KIF26B: variants seen among roughly 807,000 people sequenced by gnomAD.
KIF26B encodes kinesin family member 26B.
In KIF26B, 63 loss-of-function variants were observed where a neutral mutation model predicts 151.2. The ratio of observed to expected loss-of-function variants is 0.42; its 90% confidence interval spans 0.34 to 0.51. The LOEUF is 0.51. Ranked by LOEUF, KIF26B falls within the 20% of genes least tolerant of loss-of-function variation. The pLI, the probability that KIF26B is intolerant of heterozygous loss-of-function variation, is 0.07. For missense variants in KIF26B, 2,813 were observed against 2,913.6 expected, an observed-to-expected ratio of 0.97 and a Z score of 0.79; for synonymous variants, 1,357 against 1,262.1, an observed-to-expected ratio of 1.08 and a Z score of -1.59.
intron 10 of KIF26B, among the ~76,000 whole-genome samples, chr1:245,675,882 G>A (rs781142912): frequency 1.2e-4 from 18 of 152,092 alleles, no homozygotes; most frequent in Non-Finnish European, 2.4e-4. Flanking sequence ...AGTGGCCATG[G>A]GTTAGAAGTT....
At chr1:245,261,108 T>G (rs1431905488) in intron 2 of KIF26B, among the ~76,000 whole-genome samples, 2 of 147,450 alleles carry the variant, frequency 1.4e-5, no homozygotes, top group Non-Finnish European at 3.0e-5. Context: ...CCTTCCTTCC[T>G]TCCTCCGTTC....
intron 3 of KIF26B, among the ~76,000 whole-genome samples, chr1:245,374,120 T>A (rs200821776): frequency 1.3e-5 from 1 of 77,580 alleles, no homozygotes; most frequent in African/African-American, 5.3e-5. Flanking sequence ...TATATATATA[T>A]ATATATATAT....
intron 4 of KIF26B, among the ~76,000 whole-genome samples, chr1:245,475,368 G>A (rs1660011532): frequency 6.6e-6 from 1 of 151,826 alleles, no homozygotes; most frequent in East Asian, 1.9e-4. Context: ...AACAAGTGAG[G>A]AGGAAACTGT....
intron 3 of KIF26B, among the ~76,000 whole-genome samples, chr1:245,411,105 A>G (rs1455461294): frequency 2.0e-5 from 3 of 152,246 alleles, no homozygotes; most frequent in Non-Finnish European, 4.4e-5. Context: ...TGCAATGTCT[A>G]CTGAGACGTC....
intron 2 of KIF26B, among the ~76,000 whole-genome samples, chr1:245,206,110 T>C (rs2103540695): frequency 6.6e-6 from 1 of 152,258 alleles, no homozygotes; most frequent in South Asian, 2.1e-4. Context: ...GGGTCCCTCT[T>C]TGTTGACTCA....
intron 4 of KIF26B, among the ~76,000 whole-genome samples, chr1:245,538,794 A>G (rs147184168): frequency 1.3e-5 from 2 of 152,268 alleles, no homozygotes; most frequent in East Asian, 3.9e-4. Context: ...CCTCTGAGAC[A>G]TAGGCAGGCT....
At chr1:245,458,112 C>A (rs1204239973) in intron 4 of KIF26B, among the ~76,000 whole-genome samples, 1 of 152,154 alleles carries the variant, frequency 6.6e-6, no homozygotes, top group East Asian at 1.9e-4. Context: ...CACATTTGAT[C>A]CTCAACTATT....
chr1:245,378,425 G>A (rs1367233219), intron 3 of KIF26B, among the ~76,000 whole-genome samples: 1 of 152,102 alleles, frequency 6.6e-6, no homozygotes, highest in Non-Finnish European at 1.5e-5. Flanking sequence ...TGGGTTGGGG[G>A]CAGAGCTGAG....
Position 245,169,328 on chromosome 1 carries a change from G to GGTGTGT in KIF26B, c.465+12675_465+12680dup, listed in dbSNP as rs58501579. ...TGCACTCGACTTTCTAACGGGCCAT[G>GGTGTGT]GTGTGTGTGTGTGTGTGTGTGTGTG... On this transcript the variant is annotated intron_variant, in intron 2 of 14. Coordinates refer to ENST00000407071, the MANE Select transcript of KIF26B (RefSeq NM_018012.4). 4.5e-3 allele frequency among the ~76,000 whole-genome samples: 610 copies of GGTGTGT among 134,172 alleles called. 3 individuals are homozygous for GGTGTGT. Among genetic ancestry groups the GGTGTGT allele is most frequent in the African/African-American group, 0.015 (528 of 35,038 alleles). 88.0% of individuals were successfully genotyped at this position (134,172 alleles called of 152,430 possible).
chr1:245,613,721 G>A (rs1419524079), intron 9 of KIF26B, among the ~76,000 whole-genome samples: 2 of 152,156 alleles, frequency 1.3e-5, no homozygotes, highest in Non-Finnish European at 2.9e-5. Flanking sequence ...AGCTCTTTGC[G>A]GGCTTCTGCT....
intron 2 of KIF26B, among the ~76,000 whole-genome samples, chr1:245,176,398 A>G (rs534431038): frequency 1.2e-4 from 19 of 152,316 alleles, no homozygotes; most frequent in Non-Finnish European, 2.2e-4. Context: ...GTAGAATGCC[A>G]TATTTCATGG....
chr1:245,575,327 T>C (rs915103014), intron 5 of KIF26B, among the ~76,000 whole-genome samples: 6 of 151,730 alleles, frequency 4.0e-5, no homozygotes, highest in Non-Finnish European at 5.9e-5. Context: ...ATACAAAAAT[T>C]AGCCAGGCAT....
chr1:245,246,873 A>ACC (rs1271527856), intron 2 of KIF26B, among the ~76,000 whole-genome samples: 2 of 150,246 alleles, frequency 1.3e-5, no homozygotes, highest in African/African-American at 4.9e-5. Context: ...CAGAACACAC[A>ACC]CACACACACA....
At chr1:245,225,144 A>C (rs948607412) in intron 2 of KIF26B, among the ~76,000 whole-genome samples, 1 of 152,204 alleles carries the variant, frequency 6.6e-6, no homozygotes, top group African/African-American at 2.4e-5. Context: ...ATTCATAGAG[A>C]TGAGATACTA....
In KIF26B at chr1:245,170,250, A is replaced by C. The variant is rs1373402193; in HGVS notation, c.465+13567A>C. Among the ~76,000 whole-genome samples, 1 of 152,140 alleles carries C rather than the reference A, an allele frequency of 6.6e-6. No homozygotes were observed. The highest frequency in any genetic ancestry group is 1.9e-4 in the East Asian group (1 of 5,188). On this transcript the variant is annotated intron_variant, in intron 2 of 14. Coordinates refer to ENST00000407071, the MANE Select transcript of KIF26B (RefSeq NM_018012.4). This position sits in a 1 kb window ranked among gnomAD's most constrained non-coding sequence, Gnocchi z 4.4. Reference sequence around the variant, plus strand: ...AAATTCACAGGGAGCACAGAGTAAGAGCAGCGCCTTCACCTCGGTGGAGCT... The same window carrying C: ...AAATTCACAGGGAGCACAGAGTAAGCGCAGCGCCTTCACCTCGGTGGAGCT...
chr1:245,545,025 A>G (rs1222467828), intron 5 of KIF26B, among the ~76,000 whole-genome samples: 1 of 152,108 alleles, frequency 6.6e-6, no homozygotes, highest in Non-Finnish European at 1.5e-5. Flanking sequence ...GAGTTGAGGC[A>G]TGCACACGCA....
intron 2 of KIF26B, among the ~76,000 whole-genome samples, chr1:245,326,555 A>T (rs1210352959): frequency 6.6e-6 from 1 of 152,164 alleles, no homozygotes; most frequent in Non-Finnish European, 1.5e-5. Flanking sequence ...TGGCCTCATC[A>T]TGCTCAGAAA....
Position 245,687,866 on chromosome 1 carries a change from A to C in KIF26B, c.4883A>C (p.Asn1628Thr). Residue 1628 changes from asparagine to threonine, a missense_variant, in exon 12 of 15, where the codon AAC becomes ACC. Transcript: ENST00000407071. This position sits in a 1 kb window ranked among gnomAD's most constrained non-coding sequence, Gnocchi z 4.9. ...GGCAGCGGCACCAGCAGCCCCCTGA[A>C]CCAACCAGCCGCCTTCCCGGCGGGC... ...ASGSGTSSPL[N>T]QPAAFPAGLP... is the part of the protein sequence containing the mutation. 1 of 1,593,060 alleles carries C rather than the reference A, an allele frequency of 6.3e-7. No individual in the cohort carries two copies. The highest frequency in any genetic ancestry group is 2.3e-5 in the East Asian group (1 of 43,520).
At chr1:245,552,957 G>C (rs1322997491) in intron 5 of KIF26B, among the ~76,000 whole-genome samples, 1 of 152,192 alleles carries the variant, frequency 6.6e-6, no homozygotes, top group Non-Finnish European at 1.5e-5. Flanking sequence ...CGGGGAGGCA[G>C]GGGCTTGTTA....
Sources: gnomAD v4.1 joint callset for allele counts (sites outside exome capture counted in the v4.1 genomes callset) on GRCh38, gnomAD v4.1.1 for gene constraint, Gnocchi (gnomAD v3.1) non-coding constraint, MANE v1.5 for transcripts, NCBI Gene and HGNC (gene_info 2026-07-23, HGNC 2026-07-21) for gene names.